KTN1: variants seen among roughly 807,000 people sequenced by gnomAD.
The protein encoded by KTN1 is kinectin.
In KTN1, 130 loss-of-function variants were observed where a neutral mutation model predicts 222.5. The ratio of observed to expected loss-of-function variants is 0.58; its 90% CI spans 0.51 to 0.68. KTN1 has a LOEUF of 0.68. KTN1 is among the 30% of genes least tolerant of loss of function. The pLI is 0.00. For missense variants in KTN1, 1,508 were observed against 1,500.4 expected, an observed-to-expected ratio of 1.01 and a Z score of -0.08; for synonymous variants, 512 against 496.3, an observed-to-expected ratio of 1.03 and a Z score of -0.42.
intron 2 of KTN1, among the ~76,000 whole-genome samples, chr14:55,616,309 TAGCTG>T (rs1398395669): frequency 7.9e-5 from 12 of 152,058 alleles, no homozygotes; most frequent in South Asian, 6.2e-4. Context: ...GGGTTGAAAA[TAGCTG>T]AGGAATGGGA....
chr14:55,675,435 T>A (rs1237558504), intron 40 of KTN1: 1 of 159,070 alleles, frequency 6.3e-6, no homozygotes, highest in Non-Finnish European at 1.4e-5. Context: ...TTTAAAAATA[T>A]TGTATAATTG....
chr14:55,670,804 G>T lies in KTN1; in HGVS notation c.3343G>T (p.Val1115Phe). 1 of 1,598,806 alleles carries T rather than the reference G, an allele frequency of 6.3e-7. No homozygotes were observed. Among genetic ancestry groups the T allele is most frequent in the Non-Finnish European group, 8.6e-7 (1 of 1,169,512 alleles). The change falls in exon 35 of 44, where the codon GTT becomes TTT. Residue 1115 changes from valine to phenylalanine, a missense_variant. Val to Phe is a conservative substitution (Grantham distance 50, BLOSUM62 -1). Coordinates refer to ENST00000395314, the MANE Select transcript of KTN1 (RefSeq NM_001079521.2). Reference sequence around the variant, plus strand: ...GGCTGGAACTTCAGGGTCAGAGGAGGTTAAGGTTAGTTCAGCAAATGAACT... The same window carrying T: ...GGCTGGAACTTCAGGGTCAGAGGAGTTTAAGGTTAGTTCAGCAAATGAACT... ...CMAGTSGSEE[V>F]KVLEHKLKEA...
At chr14:55,600,906 C>G (rs569382199) in intron 1 of KTN1, among the ~76,000 whole-genome samples, 1 of 151,664 alleles carries the variant, frequency 6.6e-6, no homozygotes, top group South Asian at 2.1e-4. Context: ...AACTTTTAAC[C>G]AGATTATTTC....
At chr14:55,661,702 CT>C (rs1332691348) in intron 32 of KTN1, 90 bp downstream of exon 32, 1 of 608,802 alleles carries the variant, frequency 1.6e-6, no homozygotes, top group Non-Finnish European at 2.8e-6. Flanking sequence ...TCTACTTTTA[CT>C]TTAGATTTCT....
chr14:55,638,915 G>T (rs1352373366), intron 12 of KTN1, among the ~76,000 whole-genome samples: 1 of 151,696 alleles, frequency 6.6e-6, no homozygotes, highest in South Asian at 2.1e-4. Flanking sequence ...CTACTCATTT[G>T]TTGCTTGTCA....
At chr14:55,600,011 T>C (rs2035728564) in intron 1 of KTN1, among the ~76,000 whole-genome samples, 1 of 151,932 alleles carries the variant, frequency 6.6e-6, no homozygotes, top group Non-Finnish European at 1.5e-5. Context: ...AATTAAAAAT[T>C]CTTATTTACA....
At chr14:55,647,235 A>C (rs2141068102) in intron 19 of KTN1, among the ~76,000 whole-genome samples, 1 of 152,336 alleles carries the variant, frequency 6.6e-6, no homozygotes. Flanking sequence ...TGTAAAGAGG[A>C]AGTATCCTCA....
rs45460501 is a variant in KTN1 at position 55,650,347 on chromosome 14, A to G, written c.2425A>G (p.Lys809Glu). ...TTGAAGGATCCATGAGAAAGATGGA[A>G]AGATCAAGTCTGTAGAAGAGCTTCT... The part of the protein sequence containing the change: ...LKKVIHEKDG[K>E]IKSVEELLEA... The change falls in exon 23 of 44, where the codon AAG becomes GAG. Residue 809 changes from lysine (K) to glutamate (E), a missense_variant. Physicochemically the swap from Lys to Glu is moderately conservative, Grantham distance 56 (BLOSUM62 1). Transcript: ENST00000395314. The G allele has an allele frequency of 8.4e-4, 1,343 of 1,601,770 alleles. 4 individuals carry two copies. The highest frequency in any genetic ancestry group is 1.1e-3 in the Non-Finnish European group (1,264 of 1,176,112).
intron 1 of KTN1, among the ~76,000 whole-genome samples, chr14:55,593,041 A>G (rs1302258863): frequency 2.0e-5 from 3 of 151,868 alleles, no homozygotes; most frequent in East Asian, 1.9e-4. Context: ...GCAATTTACC[A>G]TTTTATTTTT....
chr14:55,664,870 G>A (rs532193700), intron 33 of KTN1, among the ~76,000 whole-genome samples: 49 of 152,142 alleles, frequency 3.2e-4, no homozygotes, highest in African/African-American at 1.2e-3. Context: ...GTAAAAGAAA[G>A]AACCTACATG....
At chr14:55,663,112 G>A (rs1164258707) in intron 32 of KTN1, 11 of 367,754 alleles carry the variant, frequency 3.0e-5, no homozygotes, top group Admixed American at 1.6e-4. Flanking sequence ...ACCTCATGGG[G>A]TTGTTGTAAC....
At chr14:55,637,569 A>T (rs868329359) in intron 11 of KTN1, among the ~76,000 whole-genome samples, 41 of 151,768 alleles carry the variant, frequency 2.7e-4, no homozygotes, top group African/African-American at 9.7e-4. Context: ...GTGTTAGATT[A>T]GGAATAGCAC....
In KTN1 at chr14:55,650,577, A is replaced by G. The variant is rs759867357; in HGVS notation, c.2505A>G (p.Lys835=). The change falls in exon 24 of 44, where the codon AAA becomes AAG. Residue 835 remains lysine (K), a synonymous_variant. Transcript: ENST00000395314. ...ANKEKTVQDL[K]QEIKALKEEI... The stretch of plus-strand genomic sequence containing the variant: ...GTTTTGTCATTGTCAAGGATTTGAA[A>G]CAGGAAATAAAGGCTCTAAAAGAAG... 6.2e-7 allele frequency: 1 copy of G among 1,611,624 alleles called. No individual in the cohort carries two copies. The highest frequency in any genetic ancestry group is 1.1e-5 in the South Asian group (1 of 90,856).
intron 1 of KTN1, among the ~76,000 whole-genome samples, chr14:55,611,570 C>CGT (rs2037581969): frequency 6.6e-6 from 1 of 152,080 alleles, no homozygotes; most frequent in African/African-American, 2.4e-5. Context: ...CCTCTTTTTG[C>CGT]GTGTGTGTGC....
chr14:55,670,846 TAGAA>T, intron 35 of KTN1, 37 bp downstream of exon 35: 1 of 1,374,316 alleles, frequency 7.3e-7, no homozygotes, highest in Admixed American at 1.9e-5. Flanking sequence ...AATTTAAACA[TAGAA>T]AAAAGAAGCA....
At chr14:55,670,682 T>C in intron 34 of KTN1, 47 bp from the exon 35 acceptor site, 1 of 1,356,542 alleles carries the variant, frequency 7.4e-7, no homozygotes, top group Non-Finnish European at 1.0e-6. Context: ...TTATTTGGAT[T>C]TTTTTTTTCT....
chr14:55,652,419 G>C (rs763197443), intron 25 of KTN1, among the ~76,000 whole-genome samples: 30 of 105,296 alleles, frequency 2.8e-4, no homozygotes, highest in Non-Finnish European at 4.5e-4. Context: ...TTTTTTTTGA[G>C]ATGGAATCTC....
At chr14:55,674,113 T>C (rs116244742) in intron 40 of KTN1, 193 of 152,264 alleles carry the variant, frequency 1.3e-3, no homozygotes, top group African/African-American at 4.5e-3. Context: ...CATTACTCCA[T>C]GTACCAAGAA....
At chr14:55,580,860 C>T (rs1041123016) in intron 1 of KTN1, among the ~76,000 whole-genome samples, 1 of 152,154 alleles carries the variant, frequency 6.6e-6, no homozygotes, top group Non-Finnish European at 1.5e-5. Context: ...TGCTGGAGTT[C>T]CAGTCCTCGC....
Sources: gnomAD v4.1 joint callset for allele counts (sites outside exome capture counted in the v4.1 genomes callset) on GRCh38, gnomAD v4.1.1 for gene constraint, MANE v1.5 for transcripts, NCBI Gene and HGNC (gene_info 2026-07-23, HGNC 2026-07-21) for gene names.